ACADSB: variants seen among roughly 807,000 people sequenced by gnomAD.
ACADSB encodes short/branched chain specific acyl-CoA dehydrogenase, mitochondrial.
A neutral mutation model predicts 54.1 loss-of-function variants in ACADSB; 40 were observed. That is an observed-to-expected ratio of 0.74 (90% CI 0.57 to 0.96). The LOEUF (loss-of-function observed/expected upper bound fraction) is 0.96. Among genes scored for constraint, ACADSB ranks in the 40% least tolerant of loss-of-function variants. The pLI is 0.00. For missense variants in ACADSB, 530 were observed against 510.4 expected (o/e 1.04, Z -0.37); for synonymous variants, 182 against 182.8 (o/e 1.00, Z 0.03).
At chr10:123,046,117 T>G (rs4128783) in intron 7 of ACADSB, among the ~76,000 whole-genome samples, 134,613 of 152,252 alleles carry the variant, frequency 0.88, 59,554 homozygotes, top group Middle Eastern at 0.95. Context: ...TATAGTGACA[T>G]CATCTTATCT....
chr10:123,032,821 T>G (rs948114238), intron 1 of ACADSB, among the ~76,000 whole-genome samples: 5 of 152,008 alleles, frequency 3.3e-5, no homozygotes, highest in Non-Finnish European at 7.4e-5. Flanking sequence ...ACTCCCGACC[T>G]CAGATGATCC....
intron 1 of ACADSB, among the ~76,000 whole-genome samples, chr10:123,011,380 C>A (rs1015300158): frequency 2.6e-5 from 4 of 152,150 alleles, no homozygotes; most frequent in African/African-American, 9.7e-5. Context: ...TGACCTTCAG[C>A]CTACCCCTGC....
At chr10:123,047,330 T>C (rs1042041574) in intron 8 of ACADSB, 32 bp downstream of exon 8, 2 of 1,427,862 alleles carry the variant, frequency 1.4e-6, no homozygotes, top group Non-Finnish European at 2.0e-6. Context: ...TCTGCTGTGT[T>C]AGACTTCCCC....
In ACADSB at chr10:123,040,559, G is replaced by A; in HGVS notation, c.397G>A (p.Ala133Thr). ...LVIEELAKVD[A>T]SVAVFCEIQN... is the part of the protein sequence containing the mutation. The stretch of plus-strand genomic sequence containing the variant: ...GATAGAGGAATTAGCCAAAGTTGAT[G>A]CATCTGTGGCTGTCTTTTGTGAGAT... The change falls in exon 4 of 11, where the codon GCA becomes ACA. Residue 133 changes from alanine (A) to threonine (T), a missense_variant. By Grantham distance (58) the Ala-to-Thr change is moderately conservative. Coordinates refer to ENST00000358776, the MANE Select transcript of ACADSB (RefSeq NM_001609.4). The A allele has an allele frequency of 6.2e-7, 1 of 1,613,776 alleles. No homozygotes were observed. Among genetic ancestry groups the A allele is most frequent in the Non-Finnish European group, 8.5e-7 (1 of 1,179,730 alleles).
intron 1 of ACADSB, among the ~76,000 whole-genome samples, chr10:123,020,349 G>A (rs1850168171): frequency 6.6e-6 from 1 of 152,194 alleles, no homozygotes; most frequent in African/African-American, 2.4e-5. Context: ...TCAGTTAAGG[G>A]AAGCTCCTAG....
At chr10:123,047,572 G>A (rs1376549846) in intron 8 of ACADSB, among the ~76,000 whole-genome samples, 1 of 152,160 alleles carries the variant, frequency 6.6e-6, no homozygotes, top group Non-Finnish European at 1.5e-5. Flanking sequence ...GAAGCTCAGG[G>A]CAGGGGGTCT....
intron 8 of ACADSB, among the ~76,000 whole-genome samples, chr10:123,049,762 A>C (rs1158427571): frequency 1.3e-5 from 2 of 152,248 alleles, no homozygotes; most frequent in Non-Finnish European, 2.9e-5. Context: ...CATACAAAAT[A>C]GATGTCAGAT....
intron 1 of ACADSB, among the ~76,000 whole-genome samples, chr10:123,011,567 C>T (rs1850034153): frequency 6.7e-6 from 1 of 150,096 alleles, no homozygotes; most frequent in African/African-American, 2.5e-5. Flanking sequence ...TACTCTGTCG[C>T]CCAGGTTGGA....
Position 123,052,607 on chromosome 10 carries a change from T to C in ACADSB, c.1129-454T>C, listed in dbSNP as rs969480806. Among the ~76,000 whole-genome samples the C allele has an allele frequency of 2.6e-5, 4 of 152,188 alleles. No individual in the cohort carries two copies. Among genetic ancestry groups the C allele is most frequent in the Non-Finnish European group, 4.4e-5 (3 of 68,024 alleles). On this transcript the variant is annotated intron_variant, in intron 9 of 10. Transcript: ENST00000358776. The surrounding 1 kb of genome is among the most constrained non-coding windows in gnomAD (Gnocchi z 4.2). ...CTGAGGGCTAGGATGTGGACGTCCT[T>C]GAGGGGCCATTCTGCAGGGTCTCTC...
intron 7 of ACADSB, among the ~76,000 whole-genome samples, chr10:123,045,144 TATATATATATATATA>T (rs1850536138): frequency 7.4e-5 from 1 of 13,582 alleles, no homozygotes; most frequent in Non-Finnish European, 1.4e-4. Context: ...TATATATATA[TATATATATATATATA>T]TATATATATA....
Position 123,052,920 on chromosome 10 carries a change from G to A in ACADSB, c.1129-141G>A, listed in dbSNP as rs1850651263. 4.2e-6 allele frequency: 3 copies of A among 709,930 alleles called. No homozygotes were observed. Among genetic ancestry groups the A allele is most frequent in the South Asian group, 3.0e-5 (2 of 67,268 alleles). The allele number at this position is 709,930 out of a possible 1,614,324, so 44.0% of individuals were successfully genotyped here. A position where few individuals can be genotyped will look rare whatever the true frequency, so the allele number is the denominator to read the frequency against. On this transcript the variant is annotated intron_variant, in intron 9 of 10. Coordinates refer to ENST00000358776, the MANE Select transcript of ACADSB (RefSeq NM_001609.4). This position sits in a 1 kb window ranked among gnomAD's most constrained non-coding sequence, Gnocchi z 4.2. ...ATGGTATGGAGAATGGGACTGAAGA[G>A]ACAATGCTAGTTTAGAAGATAACTT...
Position 123,055,084 on chromosome 10 carries a change from T to C in ACADSB, c.*1319T>C, listed in dbSNP as rs1564755867. 1 of 152,438 alleles carries C rather than the reference T, an allele frequency of 6.6e-6. No homozygotes were observed. The highest frequency in any genetic ancestry group is 2.4e-5 in the African/African-American group (1 of 41,464). 9.4% of individuals were successfully genotyped at this position (152,438 alleles called of 1,614,324 possible). A position where few individuals can be genotyped will look rare whatever the true frequency, so the allele number is the denominator to read the frequency against. ...GGAAGGCAAAAATGAATCTATTGTT[T>C]TGCAATATAGGTTATAAACAGGCAA... is the stretch of plus-strand genomic sequence containing the variant. On this transcript the variant is annotated 3_prime_UTR_variant, in exon 11 of 11. Transcript: ENST00000358776.
intron 6 of ACADSB, among the ~76,000 whole-genome samples, chr10:123,043,386 A>C (rs189399534): frequency 6.6e-5 from 10 of 152,362 alleles, no homozygotes; most frequent in African/African-American, 2.4e-4. Flanking sequence ...CTGTCCTGGG[A>C]AGCAAGTGCC....
chr10:123,053,561 C>G, intron 10 of ACADSB, 134 bp from the exon 11 acceptor site: 1 of 799,246 alleles, frequency 1.3e-6, no homozygotes, highest in Non-Finnish European at 2.2e-6. Context: ...GAAATAGTAC[C>G]ATATTCAGGG....
rs1473054433 is a variant in ACADSB, at chr10:123,053,918, T to C, written c.*153T>C. ...TTAGTCAGGGTCCTGGTGTTGGCCT[T>C]TTTGGTTTTCTCTTTTCAGGCTGTT... On this transcript the variant is annotated 3_prime_UTR_variant, in exon 11 of 11. Transcript: ENST00000358776. 8.1e-6 allele frequency: 6 copies of C among 741,576 alleles called. No individual in the cohort carries two copies. Among genetic ancestry groups the C allele is most frequent in the Non-Finnish European group, 9.2e-6 (4 of 436,902 alleles). The allele number at this position is 741,576 out of a possible 1,614,324, so 45.9% of individuals were successfully genotyped here. A position where few individuals can be genotyped will look rare whatever the true frequency, so the allele number is the denominator to read the frequency against.
intron 1 of ACADSB, among the ~76,000 whole-genome samples, chr10:123,011,573 T>G (rs1360975757): frequency 1.3e-5 from 2 of 150,160 alleles, no homozygotes; most frequent in Non-Finnish European, 3.0e-5. Context: ...GTCGCCCAGG[T>G]TGGAGTGCTG....
chr10:123,045,131 G>GTGTATATA (rs1850534641), intron 7 of ACADSB, among the ~76,000 whole-genome samples: 1 of 26,884 alleles, frequency 3.7e-5, no homozygotes, highest in Non-Finnish European at 6.5e-5. Flanking sequence ...TTTGTAGAGT[G>GTGTATATA]TATATATATA....
At position 123,035,853 on chromosome 10, in the gene ACADSB, A is replaced by G. The variant is rs1159038176; in HGVS notation, c.202+1338A>G. Among the ~76,000 whole-genome samples the G allele has an allele frequency of 3.9e-5, 6 of 152,288 alleles. No homozygotes were observed. In the East Asian group the frequency reaches 9.7e-4, roughly 25 times the overall value. On this transcript the variant is annotated intron_variant, in intron 2 of 10. Coordinates refer to ENST00000358776, the MANE Select transcript of ACADSB (RefSeq NM_001609.4). ...TCCCTCCCAGCATCGAGTCTCTCTC[A>G]TCCTTAAAACCTGTTTCACCAGAAA...
chr10:123,043,312 C>T lies in ACADSB; in HGVS notation c.807+141C>T, dbSNP rs1261271524. The T allele has an allele frequency of 3.8e-6, 4 of 1,059,846 alleles. No individual in the cohort carries two copies. In the African/African-American group the frequency reaches 4.7e-5, roughly 12 times the overall value. The allele number at this position is 1,059,846 out of a possible 1,614,324, so 65.7% of individuals were successfully genotyped here. The stretch of plus-strand genomic sequence containing the variant: ...GAGTATTTTGTAAAACCCTGAACAG[C>T]GCTCTTTAGTCATGACCAGATAAAT... On this transcript the variant is annotated intron_variant, in intron 6 of 10. Transcript: ENST00000358776.
Sources: gnomAD v4.1 joint callset for allele counts (sites outside exome capture counted in the v4.1 genomes callset) on GRCh38, gnomAD v4.1.1 for gene constraint, Gnocchi (gnomAD v3.1) non-coding constraint, MANE v1.5 for transcripts, NCBI Gene and HGNC (gene_info 2026-07-23, HGNC 2026-07-21) for gene names.